The following ITGB8 variants were observed in gnomAD, a reference collection of about 807,000 sequenced individuals.
ITGB8 encodes integrin beta-8.
A neutral mutation model predicts 89.5 loss-of-function variants in ITGB8; 30 were observed. The ratio of observed to expected loss-of-function variants is 0.34; its 90% CI spans 0.25 to 0.45. The LOEUF is 0.45. ITGB8 is among the 20% of genes least tolerant of loss of function. ITGB8 has a pLI of 1.00. For missense variants in ITGB8, 836 were observed against 933.3 expected, an observed-to-expected ratio of 0.90 and a Z score of 1.36; for synonymous variants, 335 against 320.4, an observed-to-expected ratio of 1.05 and a Z score of -0.49.
rs1483511745 is a variant in ITGB8, at chr7:20,330,986, C to T, written c.-821C>T. ...AAGGACAAGGGCACGCAGCCCCCGC[C>T]CCGCGAAGCCGGGCTCCGGCACCTC... On this transcript the variant is annotated 5_prime_UTR_variant, in exon 1 of 14. Coordinates refer to ENST00000222573, the MANE Select transcript of ITGB8 (RefSeq NM_002214.3). 3.3e-5 allele frequency: 5 copies of T among 152,432 alleles called. No homozygotes were observed. The East Asian group carries it at 5.8e-4, about 18-fold the overall frequency. 9.4% of individuals were successfully genotyped at this position (152,432 alleles called of 1,614,324 possible). A position where few individuals can be genotyped will look rare whatever the true frequency, so the allele number is the denominator to read the frequency against.
chr7:20,372,271 T>C (rs919892387), intron 3 of ITGB8, among the ~76,000 whole-genome samples: 2 of 152,214 alleles, frequency 1.3e-5, no homozygotes, highest in Non-Finnish European at 2.9e-5. Context: ...ATAGATATAA[T>C]GATGATTTGG....
At chr7:20,369,942 ATGT>A (rs1785859244) in intron 3 of ITGB8, among the ~76,000 whole-genome samples, 1 of 152,110 alleles carries the variant, frequency 6.6e-6, no homozygotes, top group Admixed American at 6.5e-5. Context: ...GTTATTGATG[ATGT>A]TGTTACAAAA....
At chr7:20,401,510 T>G (rs1787309453) in intron 9 of ITGB8, among the ~76,000 whole-genome samples, 1 of 152,240 alleles carries the variant, frequency 6.6e-6, no homozygotes, top group Non-Finnish European at 1.5e-5. Context: ...AGTTATTATA[T>G]TCTTTAACCC....
intron 1 of ITGB8, among the ~76,000 whole-genome samples, chr7:20,336,310 T>A (rs970477931): frequency 6.6e-6 from 1 of 152,202 alleles, no homozygotes; most frequent in African/African-American, 2.4e-5. Context: ...CGGCCCAGTC[T>A]TGTGTCTTAA....
rs564595340 is a variant in ITGB8, at chr7:20,381,018, G to A, written c.801+187G>A. The A allele has an allele frequency of 1.0e-4, 54 of 522,434 alleles. 1 individual carries two copies. In the South Asian group the frequency reaches 1.6e-3, roughly 15 times the overall value. 32.4% of individuals were successfully genotyped at this position (522,434 alleles called of 1,614,324 possible). A position where few individuals can be genotyped will look rare whatever the true frequency, so the allele number is the denominator to read the frequency against. Reference sequence around the variant, plus strand: ...TTTGGGACAGAGGGGCTAAATTCAGGGAGGGATTTAAATAGGAAAAGACAA... The same window carrying A: ...TTTGGGACAGAGGGGCTAAATTCAGAGAGGGATTTAAATAGGAAAAGACAA... On this transcript the variant is annotated intron_variant, in intron 5 of 13. Transcript: ENST00000222573.
chr7:20,350,107 AAAAAAC>A (rs753073600), intron 1 of ITGB8, among the ~76,000 whole-genome samples: 22 of 152,138 alleles, frequency 1.4e-4, no homozygotes, highest in Non-Finnish European at 2.4e-4. Context: ...CCCCTTTTTT[AAAAAAC>A]AAAAACAAAA....
rs925998080 is a variant in ITGB8 at position 20,398,722 on chromosome 7, T to G, written c.1147-138T>G. On this transcript the variant is annotated intron_variant, in intron 8 of 13. Transcript: ENST00000222573. ...TGGGTCATTATGTGGAAACACTGTTTTTATTCATCCTTTTATAGAAACAGA... is the reference window on the plus strand; with the variant it reads ...TGGGTCATTATGTGGAAACACTGTTGTTATTCATCCTTTTATAGAAACAGA... 6 of 512,260 alleles carry G rather than the reference T, an allele frequency of 1.2e-5. No individual in the cohort carries two copies. The South Asian group carries it at 3.1e-4, about 27-fold the overall frequency. 31.7% of individuals were successfully genotyped at this position (512,260 alleles called of 1,614,324 possible). A position where few individuals can be genotyped will look rare whatever the true frequency, so the allele number is the denominator to read the frequency against.
intron 1 of ITGB8, among the ~76,000 whole-genome samples, chr7:20,356,011 A>T (rs1278813540): frequency 6.6e-6 from 1 of 152,210 alleles, no homozygotes; most frequent in Non-Finnish European, 1.5e-5. Flanking sequence ...CATCTCAGAC[A>T]CTAACTTCCC....
chr7:20,360,915 C>CTTTTT (rs1167974755), intron 1 of ITGB8, among the ~76,000 whole-genome samples: 1 of 80,908 alleles, frequency 1.2e-5, no homozygotes, highest in African/African-American at 4.2e-5. Context: ...CAACTGCAGT[C>CTTTTT]TTTTTTTTTT....
At chr7:20,400,247 C>A (rs1283235487) in intron 9 of ITGB8, among the ~76,000 whole-genome samples, 5 of 151,734 alleles carry the variant, frequency 3.3e-5, no homozygotes, top group Non-Finnish European at 7.4e-5. Context: ...TGCCATCTTT[C>A]CTTCATTTTC....
At chr7:20,393,507 T>C (rs1333478228) in intron 7 of ITGB8, among the ~76,000 whole-genome samples, 1 of 152,196 alleles carries the variant, frequency 6.6e-6, no homozygotes, top group Non-Finnish European at 1.5e-5. Context: ...ATCACAAGTG[T>C]GACCACAGTA....
chr7:20,358,608 G>T (rs1013891483), intron 1 of ITGB8, among the ~76,000 whole-genome samples: 1 of 152,020 alleles, frequency 6.6e-6, no homozygotes, highest in Non-Finnish European at 1.5e-5. Flanking sequence ...TCACCATATT[G>T]GTCAGGCTGG....
At chr7:20,387,380 A>G (rs2127968780) in intron 6 of ITGB8, among the ~76,000 whole-genome samples, 1 of 152,302 alleles carries the variant, frequency 6.6e-6, no homozygotes, top group South Asian at 2.1e-4. Context: ...TACGAAGTTA[A>G]CCTATTTAAT....
chr7:20,376,368 T>C (rs1786144793), intron 3 of ITGB8, among the ~76,000 whole-genome samples: 1 of 152,186 alleles, frequency 6.6e-6, no homozygotes, highest in Admixed American at 6.5e-5. Context: ...ATTCCATTTC[T>C]CCTCCAAAAT....
intron 1 of ITGB8, among the ~76,000 whole-genome samples, chr7:20,344,745 G>C (rs564536803): frequency 6.6e-5 from 10 of 152,304 alleles, no homozygotes; most frequent in East Asian, 3.9e-4. Context: ...GGACAGCATT[G>C]GGAGAAAGTT....
At chr7:20,407,180 A>T (rs1238763356) in intron 12 of ITGB8, among the ~76,000 whole-genome samples, 2 of 152,068 alleles carry the variant, frequency 1.3e-5, no homozygotes, top group Non-Finnish European at 2.9e-5. Context: ...AGTACGTTGC[A>T]TGGGAATTCA....
intron 2 of ITGB8, chr7:20,366,723 C>A: frequency 3.7e-6 from 1 of 269,256 alleles, no homozygotes; most frequent in Non-Finnish European, 6.9e-6. Flanking sequence ...CGAGATCGTG[C>A]CACTGCACTC....
intron 6 of ITGB8, among the ~76,000 whole-genome samples, chr7:20,385,648 T>G (rs1484755836): frequency 6.6e-6 from 1 of 152,210 alleles, no homozygotes; most frequent in African/African-American, 2.4e-5. Flanking sequence ...CTCATGCAAC[T>G]TTAACATGTA....
At chr7:20,391,154 TGTTA>T (rs1349497885) in intron 6 of ITGB8, among the ~76,000 whole-genome samples, 1 of 152,070 alleles carries the variant, frequency 6.6e-6, no homozygotes, top group South Asian at 2.1e-4. Flanking sequence ...GTTCACTCTT[TGTTA>T]GTTAGTTGAA....
Sources: gnomAD v4.1 joint callset for allele counts (sites outside exome capture counted in the v4.1 genomes callset) on GRCh38, gnomAD v4.1.1 for gene constraint, MANE v1.5 for transcripts, NCBI Gene and HGNC (gene_info 2026-07-23, HGNC 2026-07-21) for gene names.